The following VDAC1 variants were observed in gnomAD, a reference collection of about 807,000 sequenced individuals.
VDAC1 encodes voltage dependent anion channel 1.
A neutral mutation model predicts 34.7 loss-of-function variants in VDAC1; 10 were observed. That is an observed-to-expected ratio of 0.29 (90% CI 0.18 to 0.49). The LOEUF is 0.49. Ranked by LOEUF, VDAC1 falls within the 20% of genes least tolerant of loss-of-function variation. VDAC1 has a pLI of 0.99. For synonymous variants in VDAC1, 130 were observed against 136.0 expected, an observed-to-expected ratio of 0.96 and a Z score of 0.30; for missense variants, 230 against 347.9, an observed-to-expected ratio of 0.66 and a Z score of 2.69.
At chr5:134,067,220 C>T in the VDAC1 span, among the ~76,000 whole-genome samples, 21,844 of 151,368 alleles carry the variant, frequency 0.14, 1,806 homozygotes, top group East Asian at 0.28. Context: ...GGATTACAGG[C>T]ATATGCCACC....
chr5:134,007,368 G>A (rs957804193), upstream of VDAC1, among the ~76,000 whole-genome samples: 2 of 152,132 alleles, frequency 1.3e-5, no homozygotes, highest in South Asian at 2.1e-4. Flanking sequence ...CCAGGAGTTC[G>A]AGGGTGCAGT....
the VDAC1 span, among the ~76,000 whole-genome samples, chr5:134,104,881 C>T: frequency 6.6e-6 from 1 of 152,350 alleles, no homozygotes; most frequent in Non-Finnish European, 1.5e-5. Flanking sequence ...TGCCCTGCCA[C>T]GCCCAATCCC....
intron 3 of VDAC1, 26 bp downstream of exon 3, chr5:133,992,280 T>C (rs768851525): frequency 2.0e-5 from 30 of 1,491,064 alleles, no homozygotes; most frequent in East Asian, 7.5e-5. Context: ...TAAATACTCA[T>C]GTTCCATGTG....
chr5:133,974,136 G>T (rs935706413), intron 7 of VDAC1, among the ~76,000 whole-genome samples: 3 of 152,138 alleles, frequency 2.0e-5, no homozygotes, highest in Non-Finnish European at 4.4e-5. Flanking sequence ...AAATAATGAG[G>T]CTCCTTTTCT....
At chr5:134,005,941 C>A (rs896313956), upstream of VDAC1, among the ~76,000 whole-genome samples, 4 of 152,202 alleles carry the variant, frequency 2.6e-5, no homozygotes, top group African/African-American at 7.2e-5. Context: ...AGCTGCGACA[C>A]TATCTAAAGC....
chr5:134,088,526 G>A, the VDAC1 span, among the ~76,000 whole-genome samples: 1 of 152,226 alleles, frequency 6.6e-6, no homozygotes, highest in African/African-American at 2.4e-5. Context: ...AAATGAGACA[G>A]AGAAGGAGGC....
At chr5:134,011,726 G>A in the VDAC1 span, among the ~76,000 whole-genome samples, 7 of 148,646 alleles carry the variant, frequency 4.7e-5, no homozygotes, top group African/African-American at 1.2e-4. Context: ...TGCAACCTCC[G>A]CCTCCTGGGT....
the VDAC1 span, among the ~76,000 whole-genome samples, chr5:134,113,483 G>A: frequency 1.3e-5 from 2 of 152,270 alleles, no homozygotes; most frequent in Non-Finnish European, 2.9e-5. Flanking sequence ...CCGCTGCCAG[G>A]GGTCCTGTGG....
the VDAC1 span, among the ~76,000 whole-genome samples, chr5:134,110,077 C>T: frequency 5.3e-5 from 8 of 152,306 alleles, no homozygotes; most frequent in South Asian, 4.1e-4. Flanking sequence ...CAAACCCATT[C>T]ATCAGGAACA....
chr5:134,085,332 T>C, the VDAC1 span, among the ~76,000 whole-genome samples: 60 of 152,104 alleles, frequency 3.9e-4, no homozygotes, highest in African/African-American at 1.4e-3. Flanking sequence ...CCTCCCAAAG[T>C]GCTGGGATTA....
chr5:133,983,600 T>TA lies in VDAC1; in HGVS notation c.324-2645dup, dbSNP rs373438506. The stretch of plus-strand genomic sequence containing the variant: ...CAAATTCTCAATGAGACAAGAATTT[T>TA]AGAGGTCACAGCTGAAAATAAAGCC... On this transcript the variant is annotated intron_variant, in intron 5 of 8. Transcript: ENST00000265333. Among the ~76,000 whole-genome samples the TA allele has an allele frequency of 2.9e-3, 434 of 152,260 alleles. 3 individuals are homozygous for TA. Among genetic ancestry groups the TA allele is most frequent in the African/African-American group, 9.1e-3 (380 of 41,540 alleles).
chr5:134,107,469 G>A, the VDAC1 span, among the ~76,000 whole-genome samples: 6 of 152,334 alleles, frequency 3.9e-5, no homozygotes, highest in South Asian at 2.1e-4. Flanking sequence ...ATGGCCAGCC[G>A]GCTCCTCCAA....
the VDAC1 span, among the ~76,000 whole-genome samples, chr5:134,069,557 C>T: frequency 6.6e-6 from 1 of 152,104 alleles, no homozygotes; most frequent in Non-Finnish European, 1.5e-5. Flanking sequence ...TGAATGGCAT[C>T]GAAGAAAGGT....
chr5:134,032,142 A>AAAAAAAAAAAAC, the VDAC1 span, among the ~76,000 whole-genome samples: 1 of 149,664 alleles, frequency 6.7e-6, no homozygotes, highest in African/African-American at 2.5e-5. Flanking sequence ...AAAAAAAAAA[A>AAAAAAAAAAAAC]AAGCTACTCT....
the VDAC1 span, among the ~76,000 whole-genome samples, chr5:134,044,649 C>CTG: frequency 0.13 from 20,131 of 151,750 alleles, 1,454 homozygotes; most frequent in East Asian, 0.28. Flanking sequence ...ATATTGCTAT[C>CTG]TGTGTGTGTG....
At chr5:133,984,991 G>C (rs969160397) in intron 5 of VDAC1, among the ~76,000 whole-genome samples, 1 of 152,144 alleles carries the variant, frequency 6.6e-6, no homozygotes, top group African/African-American at 2.4e-5. Context: ...CCTCCCTTTG[G>C]TCACAAGTTT....
rs1042712362 is a variant in VDAC1 at position 133,996,293 on chromosome 5, T to C, written c.-6-3275A>G. The stretch of plus-strand genomic sequence containing the variant: ...GAAGGACCAGCAAGTCACACCAGGA[T>C]ACAGGAGTCCCTGGTTCCCCTCCAC... On this transcript the variant is annotated intron_variant, in intron 1 of 8. Transcript: ENST00000265333. Among the ~76,000 whole-genome samples the C allele has an allele frequency of 2.0e-5, 3 of 152,130 alleles. No individual in the cohort carries two copies. The East Asian group carries it at 5.8e-4, about 29-fold the overall frequency.
At chr5:133,984,419 CGTGTGTGTGTGTGTGTGT>C (rs70976506) in intron 5 of VDAC1, among the ~76,000 whole-genome samples, 26,652 of 121,936 alleles carry the variant, frequency 0.22, 2,983 homozygotes, top group Admixed American at 0.27. Context: ...CAATGACCAG[CGTGTGTGTGTGTGTGTGT>C]GTGTGTGTGT....
chr5:134,032,124 C>CA, the VDAC1 span, among the ~76,000 whole-genome samples: 1,457 of 36,090 alleles, frequency 0.04, 106 homozygotes, highest in Middle Eastern at 0.059. Flanking sequence ...CTCTGCCTCA[C>CA]AAAAAAAAAA....
Sources: allele counts gnomAD v4.1 joint callset (sites outside exome capture counted in the v4.1 genomes callset), GRCh38; gene constraint gnomAD v4.1.1; transcripts MANE v1.5; gene names NCBI Gene and HGNC (gene_info 2026-07-23, HGNC 2026-07-21).